The following ZNF860 variants were observed in gnomAD, a reference collection of about 807,000 sequenced individuals.
ZNF860 encodes the protein zinc finger protein 860.
For synonymous variants in ZNF860, 206 were observed against 248.9 expected (o/e 0.83, Z 1.62); for missense variants, 641 against 759.2 (o/e 0.84, Z 1.83).
In ZNF860 at chr3:31,989,255, A is replaced by AC; in HGVS notation, c.178dup (p.Leu60ProfsTer34). 1 of 1,614,142 alleles carries AC rather than the reference A, an allele frequency of 6.2e-7. No individual in the cohort carries two copies. The highest frequency in any genetic ancestry group is 8.5e-7 in the Non-Finnish European group (1 of 1,180,034). Reference sequence around the variant, plus strand: ...GCCATGATGTTGGAGAACTACAGGAACCTGCATTCTGTGGATATCTCTTCC... The same window carrying AC: ...GCCATGATGTTGGAGAACTACAGGAACCCTGCATTCTGTGGATATCTCTTCC... On this transcript the variant is annotated frameshift_variant, in exon 2 of 2. Transcript: ENST00000360311. LOFTEE classifies it low-confidence loss of function (END_TRUNC).
At chr3:32,002,504 T>G in the ZNF860 span, among the ~76,000 whole-genome samples, 1 of 152,230 alleles carries the variant, frequency 6.6e-6, no homozygotes, top group South Asian at 2.1e-4. Context: ...CCCAGGAACC[T>G]GTTTGCTGGG....
rs1352648788 is a variant in ZNF860 at position 31,990,038 on chromosome 3, A to G, written c.959A>G (p.Asp320Gly). The G allele has an allele frequency of 6.2e-7, 1 of 1,614,018 alleles. No individual in the cohort carries two copies. The highest frequency in any genetic ancestry group is 8.5e-7 in the Non-Finnish European group (1 of 1,179,950). The change falls in exon 2 of 2, where the codon GAC (aspartate) becomes GGC (glycine). Residue 320 changes from aspartate to glycine, a missense_variant. Physicochemically the swap from Asp to Gly is moderately conservative, Grantham distance 94 (BLOSUM62 -1). Coordinates refer to ENST00000360311, the MANE Select transcript of ZNF860 (RefSeq NM_001137674.3). Reference sequence around the variant, plus strand: ...AAACCTTACAAATGTGAAGAATGTGACAAAGTTTTTAGTCGCAAATCAAAT... The same window carrying G: ...AAACCTTACAAATGTGAAGAATGTGGCAAAGTTTTTAGTCGCAAATCAAAT... Reference protein sequence around the residue: ...GEKPYKCEECDKVFSRKSNLE... With the variant: ...GEKPYKCEECGKVFSRKSNLE...
chr3:31,996,962 G>C, the ZNF860 span, among the ~76,000 whole-genome samples: 2 of 152,178 alleles, frequency 1.3e-5, no homozygotes, highest in Admixed American at 1.3e-4. Context: ...CAATGGGAGA[G>C]AAGCCAGAGG....
At position 31,989,044 on chromosome 3, in the gene ZNF860, A is replaced by T. The variant is rs775405001; in HGVS notation, c.-36A>T. On this transcript the variant is annotated 5_prime_UTR_variant, in exon 2 of 2. In the 5' UTR this introduces an upstream ATG that the reference lacks. Coordinates refer to ENST00000360311, the MANE Select transcript of ZNF860 (RefSeq NM_001137674.3). ...AGCAGGAAGCAGATCGCCTCAGTGA[A>T]GGTCACACTGCAGCACTATTGATTT... 2 of 1,610,480 alleles carry T rather than the reference A, an allele frequency of 1.2e-6. No individual in the cohort carries two copies. The highest frequency in any genetic ancestry group is 1.7e-6 in the Non-Finnish European group (2 of 1,177,770).
the ZNF860 span, among the ~76,000 whole-genome samples, chr3:31,996,994 T>A: frequency 6.6e-6 from 1 of 152,272 alleles, no homozygotes; most frequent in African/African-American, 2.4e-5. Context: ...TCATGGAGAT[T>A]CATCTTGATG....
intron 1 of ZNF860, among the ~76,000 whole-genome samples, chr3:31,985,620 G>A (rs1051546004): frequency 1.3e-5 from 2 of 152,196 alleles, no homozygotes; most frequent in Admixed American, 1.3e-4. Flanking sequence ...AAGTAAGTGA[G>A]TGGACATTGA....
At chr3:32,006,240 C>T in the ZNF860 span, among the ~76,000 whole-genome samples, 4 of 152,174 alleles carry the variant, frequency 2.6e-5, no homozygotes, top group Non-Finnish European at 5.9e-5. Context: ...GCCACCGCAC[C>T]CCTCCATCTT....
At chr3:31,983,467 A>G (rs915755871) in intron 1 of ZNF860, among the ~76,000 whole-genome samples, 27 of 152,370 alleles carry the variant, frequency 1.8e-4, no homozygotes, top group Admixed American at 4.6e-4. Flanking sequence ...CCCTTGAGAT[A>G]GACCAGTTCA....
At chr3:31,998,771 G>A in the ZNF860 span, among the ~76,000 whole-genome samples, 1 of 152,016 alleles carries the variant, frequency 6.6e-6, no homozygotes, top group African/African-American at 2.4e-5. Flanking sequence ...ATAGATCCAC[G>A]TCTATTGGTT....
chr3:31,990,459 C>T lies in ZNF860; in HGVS notation c.1380C>T (p.Gly460=), dbSNP rs1453855001. The T allele has an allele frequency of 1.7e-5, 26 of 1,568,858 alleles. No individual in the cohort carries two copies. Among genetic ancestry groups the T allele is most frequent in the Non-Finnish European group, 2.2e-5 (25 of 1,158,846 alleles). The part of the protein sequence containing the change: ...GEKPYKCNEC[G]KTFHHNSALV... The stretch of plus-strand genomic sequence containing the variant: ...AACCTTACAAGTGTAATGAGTGTGG[C>T]AAGACCTTCCATCACAATTCAGCCC... The change falls in exon 2 of 2, where the codon GGC becomes GGT. Residue 460 remains glycine (G), a synonymous_variant. Transcript: ENST00000360311.
At chr3:31,999,323 T>C in the ZNF860 span, among the ~76,000 whole-genome samples, 2 of 152,130 alleles carry the variant, frequency 1.3e-5, no homozygotes, top group African/African-American at 2.4e-5. Context: ...TGATTATTTA[T>C]GCTTTGGGAG....
At chr3:31,982,788 G>A (rs956888894) in intron 1 of ZNF860, among the ~76,000 whole-genome samples, 1 of 152,186 alleles carries the variant, frequency 6.6e-6, no homozygotes, top group Non-Finnish European at 1.5e-5. Context: ...AATGATACCG[G>A]CTGTAATAAA....
intron 1 of ZNF860, among the ~76,000 whole-genome samples, chr3:31,986,846 AT>A (rs1698940191): frequency 6.6e-6 from 1 of 151,982 alleles, no homozygotes; most frequent in African/African-American, 2.4e-5. Context: ...CTCCAAAAAA[AT>A]TTTTAAAATA....
chr3:31,990,713 C>T lies in ZNF860; in HGVS notation c.1634C>T (p.Thr545Ile). ...EKPYKCEECD[T>I]VFSRKSHHET... ...CCTTACAAATGTGAAGAATGTGACA[C>T]AGTTTTCAGTCGCAAATCACACCAT... Residue 545 changes from threonine to isoleucine, a missense_variant, in exon 2 of 2, where the codon ACA (threonine) becomes ATA (isoleucine). Physicochemically the swap from Thr to Ile is moderately conservative, Grantham distance 89 (BLOSUM62 -1). Coordinates refer to ENST00000360311, the MANE Select transcript of ZNF860 (RefSeq NM_001137674.3). The T allele has an allele frequency of 6.2e-7, 1 of 1,613,698 alleles. No homozygotes were observed. The highest frequency in any genetic ancestry group is 2.2e-5 in the East Asian group (1 of 44,846).
Position 31,988,907 on chromosome 3 carries a change from C to CT in ZNF860, c.-172dup. 3 of 770,700 alleles carry CT rather than the reference C, an allele frequency of 3.9e-6. No individual in the cohort carries two copies. In the South Asian group the frequency reaches 5.7e-5, roughly 15 times the overall value. 47.7% of individuals were successfully genotyped at this position (770,700 alleles called of 1,614,324 possible). On this transcript the variant is annotated 5_prime_UTR_variant, in exon 2 of 2. An upstream open reading frame in the 5' UTR loses its in-frame stop. Coordinates refer to ENST00000360311, the MANE Select transcript of ZNF860 (RefSeq NM_001137674.3). ...GAGACACTGAGCCAGGAACACCCAGCTGAAGTGCCTCCAAACCCCGACCCA... is the reference window on the plus strand; with the variant it reads ...GAGACACTGAGCCAGGAACACCCAGCTTGAAGTGCCTCCAAACCCCGACCCA...
the ZNF860 span, among the ~76,000 whole-genome samples, chr3:32,003,881 T>G: frequency 6.6e-6 from 1 of 152,072 alleles, no homozygotes. Context: ...AAGTAGAAAG[T>G]TCTAGAACAC....
rs1699029364 is a variant in ZNF860, at chr3:31,991,523, GT to G, written c.*549del. ...TGTAAGTTCTCTAGCAAATGGAAGTGTTTTCTTAATTTTCTTTTAACATTGT... is the reference window on the plus strand; with the variant it reads ...TGTAAGTTCTCTAGCAAATGGAAGTGTTTCTTAATTTTCTTTTAACATTGT... On this transcript the variant is annotated 3_prime_UTR_variant, in exon 2 of 2. Coordinates refer to ENST00000360311, the MANE Select transcript of ZNF860 (RefSeq NM_001137674.3). 1.2e-5 allele frequency: 2 copies of G among 166,738 alleles called. No individual in the cohort carries two copies. The highest frequency in any genetic ancestry group is 3.4e-3 in the Middle Eastern group (1 of 294). 10.3% of individuals were successfully genotyped at this position (166,738 alleles called of 1,614,324 possible). A position where few individuals can be genotyped will look rare whatever the true frequency, so the allele number is the denominator to read the frequency against.
chr3:31,997,421 C>T, the ZNF860 span, among the ~76,000 whole-genome samples: 4 of 151,970 alleles, frequency 2.6e-5, no homozygotes, highest in African/African-American at 9.6e-5. Context: ...CGAGCCACCA[C>T]ACCCAGCTAA....
chr3:31,984,267 C>G (rs535054431), intron 1 of ZNF860, among the ~76,000 whole-genome samples: 2 of 151,754 alleles, frequency 1.3e-5, no homozygotes, highest in Admixed American at 6.6e-5. Flanking sequence ...GTCTCGATCT[C>G]GTGACCTCGT....
Sources: gnomAD v4.1 joint callset for allele counts (sites outside exome capture counted in the v4.1 genomes callset) on GRCh38, gnomAD v4.1.1 for gene constraint, MANE v1.5 for transcripts, NCBI Gene and HGNC (gene_info 2026-07-23, HGNC 2026-07-21) for gene names.